The following PABPC4L variants were observed in gnomAD, a reference collection of about 807,000 sequenced individuals.
PABPC4L encodes poly(A) binding protein cytoplasmic 4 like.
For missense variants in PABPC4L, 452 were observed against 451.4 expected, an observed-to-expected ratio of 1.00 and a Z score of -0.01; for synonymous variants, 169 against 164.1, an observed-to-expected ratio of 1.03 and a Z score of -0.23.
the PABPC4L span, among the ~76,000 whole-genome samples, chr4:134,141,976 C>T: frequency 6.6e-6 from 1 of 151,734 alleles, no homozygotes; most frequent in Admixed American, 6.6e-5. Flanking sequence ...TTTCCTCACA[C>T]TGACGACTGC....
the PABPC4L span, among the ~76,000 whole-genome samples, chr4:134,155,845 A>G: frequency 6.6e-6 from 1 of 152,018 alleles, no homozygotes; most frequent in Non-Finnish European, 1.5e-5. Flanking sequence ...TATGTTATTC[A>G]CCTACAAACT....
the PABPC4L span, among the ~76,000 whole-genome samples, chr4:134,186,777 T>G: frequency 1.3e-5 from 2 of 152,182 alleles, no homozygotes; most frequent in African/African-American, 2.4e-5. Context: ...GGGAAAAAAT[T>G]TTTGCAATCT....
At chr4:134,115,174 A>G in the PABPC4L span, among the ~76,000 whole-genome samples, 1 of 152,034 alleles carries the variant, frequency 6.6e-6, no homozygotes, top group East Asian at 1.9e-4. Flanking sequence ...AATAGGGATT[A>G]ATACAATTCC....
At chr4:134,048,538 G>A in the PABPC4L span, among the ~76,000 whole-genome samples, 13 of 152,012 alleles carry the variant, frequency 8.6e-5, no homozygotes, top group African/African-American at 2.9e-4. Context: ...AAACTCTATA[G>A]TATATCACAT....
At chr4:134,156,102 G>T in the PABPC4L span, among the ~76,000 whole-genome samples, 1 of 151,888 alleles carries the variant, frequency 6.6e-6, no homozygotes, top group Non-Finnish European at 1.5e-5. Context: ...CAAAGAGAAT[G>T]TATGTCATTA....
chr4:133,990,812 G>GAC, the PABPC4L span, among the ~76,000 whole-genome samples: 1 of 152,192 alleles, frequency 6.6e-6, no homozygotes, highest in Non-Finnish European at 1.5e-5. Context: ...GATTTATCGA[G>GAC]ATAAGTTCCT....
chr4:133,987,774 A>G, the PABPC4L span, among the ~76,000 whole-genome samples: 1 of 152,188 alleles, frequency 6.6e-6, no homozygotes, highest in African/African-American at 2.4e-5. Context: ...GAAAAAGGAC[A>G]CACTATTATT....
At chr4:134,086,490 A>C in the PABPC4L span, among the ~76,000 whole-genome samples, 939 of 152,162 alleles carry the variant, frequency 6.2e-3, 6 homozygotes, top group African/African-American at 0.021. Context: ...TCTTAATAGT[A>C]GAAGATACAC....
At chr4:134,113,344 C>T in the PABPC4L span, among the ~76,000 whole-genome samples, 5 of 152,004 alleles carry the variant, frequency 3.3e-5, no homozygotes, top group South Asian at 2.1e-4. Flanking sequence ...AAGCTCCATT[C>T]GTGGTAAGTG....
chr4:134,138,134 T>A, the PABPC4L span, among the ~76,000 whole-genome samples: 4 of 151,614 alleles, frequency 2.6e-5, no homozygotes, highest in African/African-American at 4.8e-5. Context: ...TCTGCATCTT[T>A]AAAAAAAATC....
the PABPC4L span, among the ~76,000 whole-genome samples, chr4:134,038,247 C>T: frequency 6.6e-6 from 1 of 152,080 alleles, no homozygotes; most frequent in Non-Finnish European, 1.5e-5. Flanking sequence ...AAGATTTTTG[C>T]ATTGATGTTC....
the PABPC4L span, among the ~76,000 whole-genome samples, chr4:134,178,365 C>CAAAAAAAAAAAAAAAAAAAAAAAAAAAAA: frequency 9.6e-6 from 1 of 104,062 alleles, no homozygotes; most frequent in African/African-American, 3.4e-5. Context: ...AAGAAAAAAG[C>CAAAAAAAAAAAAAAAAAAAAAAAAAAAAA]AAAAAAAAAA....
the PABPC4L span, among the ~76,000 whole-genome samples, chr4:133,977,567 G>T: frequency 6.6e-6 from 1 of 152,022 alleles, no homozygotes; most frequent in African/African-American, 2.4e-5. Flanking sequence ...CCATCTGTTT[G>T]TGTCCTGTCT....
chr4:134,168,033 G>T, the PABPC4L span, among the ~76,000 whole-genome samples: 1 of 151,934 alleles, frequency 6.6e-6, no homozygotes, highest in African/African-American at 2.4e-5. Flanking sequence ...TAGTATATGT[G>T]TTAGGCCACA....
the PABPC4L span, among the ~76,000 whole-genome samples, chr4:134,085,603 A>G: frequency 6.6e-6 from 1 of 152,158 alleles, no homozygotes; most frequent in African/African-American, 2.4e-5. Flanking sequence ...AGAGGAAACC[A>G]CTATTCATAC....
chr4:134,052,670 A>G, the PABPC4L span, among the ~76,000 whole-genome samples: 1 of 152,148 alleles, frequency 6.6e-6, no homozygotes, highest in East Asian at 1.9e-4. Flanking sequence ...TCATAACAGG[A>G]AAGTCCATAT....
the PABPC4L span, among the ~76,000 whole-genome samples, chr4:134,179,913 C>A: frequency 6.6e-6 from 1 of 152,060 alleles, no homozygotes; most frequent in Non-Finnish European, 1.5e-5. Flanking sequence ...TATTAAGATA[C>A]TTAGATAACC....
At chr4:133,992,023 G>C in the PABPC4L span, among the ~76,000 whole-genome samples, 1 of 152,176 alleles carries the variant, frequency 6.6e-6, no homozygotes, top group African/African-American at 2.4e-5. Context: ...TCCCATGCCA[G>C]GTATTAAGGG....
chr4:134,057,043 G>A, the PABPC4L span, among the ~76,000 whole-genome samples: 1 of 152,038 alleles, frequency 6.6e-6, no homozygotes. Context: ...ATCAAGATGA[G>A]TTAGTTATCT....
Sources: allele counts gnomAD v4.1 joint callset (sites outside exome capture counted in the v4.1 genomes callset), GRCh38; gene constraint gnomAD v4.1.1; transcripts MANE v1.5; gene names NCBI Gene and HGNC (gene_info 2026-07-23, HGNC 2026-07-21).